The following MPHOSPH6 variants were observed in gnomAD, a reference collection of about 807,000 sequenced individuals.
The protein encoded by MPHOSPH6 is M-phase phosphoprotein 6.
Under a neutral mutation model 21.8 loss-of-function variants are expected in MPHOSPH6, and 25 were observed. The observed-to-expected ratio is 1.15, with a 90% CI of 0.83 to 1.60. The LOEUF is 1.60. Among genes scored for constraint, MPHOSPH6 ranks in the 40% most tolerant of loss-of-function variants. The pLI, the probability that MPHOSPH6 is intolerant of heterozygous loss-of-function variation, is 0.00. For synonymous variants in MPHOSPH6, 84 were observed against 56.5 expected (o/e 1.49, Z -2.18); for missense variants, 269 against 181.8 (o/e 1.48, Z -2.76).
chr16:82,163,763 A>C lies in MPHOSPH6; in HGVS notation c.164+319T>G, dbSNP rs1461882977. On this transcript the variant is annotated intron_variant, in intron 2 of 4. Coordinates refer to ENST00000258169, the MANE Select transcript of MPHOSPH6 (RefSeq NM_005792.2). ...CTGGAGAGACCTGAAGTACACCCCT[A>C]ATCTTTAGAACTTAAGGTGATAGAG... The C allele has an allele frequency of 2.5e-5, 5 of 203,490 alleles. No individual in the cohort carries two copies. In the East Asian group the frequency reaches 6.6e-4, roughly 27 times the overall value. 12.6% of individuals were successfully genotyped at this position (203,490 alleles called of 1,614,324 possible).
In MPHOSPH6 at chr16:82,170,115, G is replaced by T; in HGVS notation, c.51+10C>A. The stretch of plus-strand genomic sequence containing the variant: ...TACCGCCCGGAGTGGCGCTCTCAGC[G>T]TCCCCGCACCTTCATGCGCAGTAGA... On this transcript the variant is annotated intron_variant, in intron 1 of 4. Transcript: ENST00000258169. 1 of 1,589,238 alleles carries T rather than the reference G, an allele frequency of 6.3e-7. No homozygotes were observed. Among genetic ancestry groups the T allele is most frequent in the Non-Finnish European group, 8.6e-7 (1 of 1,168,166 alleles).
chr16:82,153,307 T>C (rs946060622), intron 2 of MPHOSPH6, among the ~76,000 whole-genome samples: 1 of 152,178 alleles, frequency 6.6e-6, no homozygotes, highest in African/African-American at 2.4e-5. Context: ...TCCTGCACCA[T>C]AATTATATAA....
At chr16:82,164,982 C>T (rs1906718986) in intron 1 of MPHOSPH6, 1 of 152,024 alleles carries the variant, frequency 6.6e-6, no homozygotes, top group South Asian at 2.1e-4. Flanking sequence ...CTAACCACAG[C>T]AACAAGATAA....
chr16:82,169,971 C>T, intron 1 of MPHOSPH6, 154 bp downstream of exon 1: 2 of 882,982 alleles, frequency 2.3e-6, no homozygotes, highest in South Asian at 1.8e-5. Flanking sequence ...GTAAACAGTG[C>T]AGAGCAGGCG....
rs1424758241 is a variant in MPHOSPH6 at position 82,148,698 on chromosome 16, A to C, written c.*33T>G. The C allele has an allele frequency of 1.2e-6, 2 of 1,607,864 alleles. No individual in the cohort carries two copies. Among genetic ancestry groups the C allele is most frequent in the African/African-American group, 2.7e-5 (2 of 74,650 alleles). ...CCAGATGCCCTGCTGACTTCCACCA[A>C]GCACCCCTGGGCCATCGCTTAAGGC... On this transcript the variant is annotated 3_prime_UTR_variant, in exon 5 of 5. Coordinates refer to ENST00000258169, the MANE Select transcript of MPHOSPH6 (RefSeq NM_005792.2).
At chr16:82,161,134 T>C (rs1262247542) in intron 2 of MPHOSPH6, among the ~76,000 whole-genome samples, 1 of 152,230 alleles carries the variant, frequency 6.6e-6, no homozygotes, top group Non-Finnish European at 1.5e-5. Flanking sequence ...TTCTTCGGTA[T>C]TCATTTTCTT....
intron 3 of MPHOSPH6, 127 bp from the exon 4 acceptor site, chr16:82,149,530 G>A (rs977864272): frequency 2.6e-6 from 2 of 779,410 alleles, no homozygotes. Context: ...ATTGATAAGG[G>A]ACTCTCTGTA....
chr16:82,167,748 C>G (rs1466328278), intron 1 of MPHOSPH6, among the ~76,000 whole-genome samples: 1 of 152,130 alleles, frequency 6.6e-6, no homozygotes, highest in Admixed American at 6.6e-5. Context: ...GGAGGCGGAG[C>G]TCAGGTGGTA....
At chr16:82,164,238 T>G in intron 1 of MPHOSPH6, 44 bp from the exon 2 acceptor site, 1 of 1,304,974 alleles carries the variant, frequency 7.7e-7, no homozygotes, top group South Asian at 1.2e-5. Context: ...TTTCCCATTT[T>G]AGAACTGAGG....
At chr16:82,151,580 T>G (rs1273043426) in intron 2 of MPHOSPH6, 66 bp from the exon 3 acceptor site, 3 of 1,478,972 alleles carry the variant, frequency 2.0e-6, no homozygotes, top group Non-Finnish European at 2.7e-6. Context: ...GCCAACACTT[T>G]GAATAAAAAA....
At chr16:82,157,658 G>T (rs1387138307) in intron 2 of MPHOSPH6, among the ~76,000 whole-genome samples, 1 of 151,668 alleles carries the variant, frequency 6.6e-6, no homozygotes, top group Non-Finnish European at 1.5e-5. Flanking sequence ...CACAGTTTAA[G>T]GGGAGATACT....
At chr16:82,156,998 C>A (rs1906448605) in intron 2 of MPHOSPH6, among the ~76,000 whole-genome samples, 2 of 152,094 alleles carry the variant, frequency 1.3e-5, no homozygotes, top group Non-Finnish European at 2.9e-5. Context: ...CTGCAGTGAG[C>A]CGCGGTTGCG....
chr16:82,160,715 T>C (rs994805854), intron 2 of MPHOSPH6, among the ~76,000 whole-genome samples: 4 of 151,892 alleles, frequency 2.6e-5, no homozygotes, highest in Non-Finnish European at 4.4e-5. Flanking sequence ...CTCATAGGAG[T>C]TGGGGACAAA....
At chr16:82,152,987 C>A (rs1017384122) in intron 2 of MPHOSPH6, among the ~76,000 whole-genome samples, 1 of 152,188 alleles carries the variant, frequency 6.6e-6, no homozygotes, top group African/African-American at 2.4e-5. Context: ...CTCAGCTGGG[C>A]ACAGTGGCGG....
At chr16:82,152,671 G>A (rs1221312867) in intron 2 of MPHOSPH6, among the ~76,000 whole-genome samples, 1 of 152,156 alleles carries the variant, frequency 6.6e-6, no homozygotes, top group Non-Finnish European at 1.5e-5. Context: ...TGCTGCTGAC[G>A]GGGCTGAGCA....
intron 2 of MPHOSPH6, 52 bp downstream of exon 2, chr16:82,164,030 G>A (rs1239351033): frequency 1.6e-6 from 2 of 1,235,922 alleles, no homozygotes; most frequent in Non-Finnish European, 1.2e-6. Flanking sequence ...TTTACCAGGA[G>A]TTTCCTTCTG....
chr16:82,148,891 T>C (rs1188861112), intron 4 of MPHOSPH6, 28 bp from the exon 5 acceptor site: 1 of 1,611,062 alleles, frequency 6.2e-7, no homozygotes, highest in East Asian at 2.2e-5. Context: ...AGCACACGTT[T>C]AATTTCAAAT....
At position 82,151,502 on chromosome 16, in the gene MPHOSPH6, T is replaced by G. The variant is rs1176917047; in HGVS notation, c.177A>C (p.Ile59=). Residue 59 remains isoleucine, a synonymous_variant, in exon 3 of 5, where the codon ATA becomes ATC. Coordinates refer to ENST00000258169, the MANE Select transcript of MPHOSPH6 (RefSeq NM_005792.2). ...PELKEKESFI[I]EEQSFLLCED... is the part of the protein sequence containing the mutation. ...CACATAGTAAGAAACTCTGCTCTTC[T>G]ATTATGAAACTCCTAAATGGGAAAA... is the stretch of plus-strand genomic sequence containing the variant. 1 of 1,589,040 alleles carries G rather than the reference T, an allele frequency of 6.3e-7. No individual in the cohort carries two copies. The highest frequency in any genetic ancestry group is 2.2e-5 in the East Asian group (1 of 44,596).
chr16:82,156,169 C>T (rs1190214023), intron 2 of MPHOSPH6, among the ~76,000 whole-genome samples: 1 of 151,890 alleles, frequency 6.6e-6, no homozygotes, highest in African/African-American at 2.4e-5. Context: ...CATTAACAGG[C>T]TAGAAGAAAA....
Sources: allele counts gnomAD v4.1 joint callset (sites outside exome capture counted in the v4.1 genomes callset), GRCh38; gene constraint gnomAD v4.1.1; transcripts MANE v1.5; gene names NCBI Gene and HGNC (gene_info 2026-07-23, HGNC 2026-07-21).